TAF2: variants seen among roughly 807,000 people sequenced by gnomAD.
TAF2 encodes the protein transcription initiation factor TFIID subunit 2.
Under a neutral mutation model 138.5 loss-of-function variants are expected in TAF2, and 61 were observed. The observed-to-expected ratio is 0.44, with a 90% CI of 0.36 to 0.54. The LOEUF is 0.54. Ranked by LOEUF, TAF2 falls within the 20% of genes least tolerant of loss-of-function variation. The probability of loss-of-function intolerance (pLI) is 0.00; values close to 1 mark genes in which losing one functional copy is unlikely to be tolerated. For missense variants in TAF2, 1,090 were observed against 1,427.9 expected (o/e 0.76, Z 3.81); for synonymous variants, 475 against 469.9 (o/e 1.01, Z -0.14).
At chr8:119,818,335 C>A (rs984517306) in intron 3 of TAF2, among the ~76,000 whole-genome samples, 13 of 152,142 alleles carry the variant, frequency 8.5e-5, no homozygotes, top group African/African-American at 2.9e-4. Flanking sequence ...AGAACTGCTG[C>A]CTTAAGGCAT....
chr8:119,760,581 G>A lies in TAF2; in HGVS notation c.2698+18C>T, dbSNP rs192557230. The A allele has an allele frequency of 6.8e-5, 109 of 1,610,802 alleles. No homozygotes were observed. Among genetic ancestry groups the A allele is most frequent in the Non-Finnish European group, 8.6e-5 (101 of 1,179,610 alleles). On this transcript the variant is annotated intron_variant, in intron 20 of 25. Transcript: ENST00000378164. ...GTTCTTTCTAAAATGATATGAGCAC[G>A]TATTTCTAAAGTATTACCTTTAGTA...
In TAF2 at chr8:119,742,559, A is replaced by C; in HGVS notation, c.3312T>G (p.Ser1104Arg). ...CTGTTCCCTTCCGTGCAAGTTCCAA[A>C]CTCCACTGGGGTTTTGTGGTGGGTG... is the stretch of plus-strand genomic sequence containing the variant. ...DSTPTTKPQW[S>R]LELARKGTGK... Residue 1104 changes from serine (S) to arginine (R), a missense_variant, in exon 25 of 26, where the codon AGT (serine) becomes AGG (arginine). Physicochemically the swap from Ser to Arg is moderately radical, Grantham distance 110. This residue lies in a region of TAF2 where 580 missense variants were observed against 719.6 expected (regional missense o/e 0.81). Transcript: ENST00000378164. 6.2e-7 allele frequency: 1 copy of C among 1,613,688 alleles called. No homozygotes were observed. Among genetic ancestry groups the C allele is most frequent in the Non-Finnish European group, 8.5e-7 (1 of 1,179,926 alleles).
chr8:119,805,901 T>C (rs569978425), intron 4 of TAF2, among the ~76,000 whole-genome samples: 7 of 142,508 alleles, frequency 4.9e-5, no homozygotes, highest in Non-Finnish European at 9.0e-5. Flanking sequence ...CGTTTTGTTT[T>C]TGTTTTTCTT....
Position 119,731,467 on chromosome 8 carries a change from G to A in TAF2, c.*457C>T, listed in dbSNP as rs571097771. 1 of 173,890 alleles carries A rather than the reference G, an allele frequency of 5.8e-6. No individual in the cohort carries two copies. Among genetic ancestry groups the A allele is most frequent in the Admixed American group, 5.5e-5 (1 of 18,348 alleles). The allele number at this position is 173,890 out of a possible 1,614,324, so 10.8% of individuals were successfully genotyped here. On this transcript the variant is annotated 3_prime_UTR_variant, in exon 26 of 26. Transcript: ENST00000378164. Reference sequence around the variant, plus strand: ...CTGTAGAAAAGCCACTGTCTTTTCAGTAGTTCCAAATGGTGTTATACAATA... The same window carrying A: ...CTGTAGAAAAGCCACTGTCTTTTCAATAGTTCCAAATGGTGTTATACAATA...
chr8:119,758,857 C>A (rs746147547), intron 20 of TAF2, among the ~76,000 whole-genome samples: 17 of 152,162 alleles, frequency 1.1e-4, no homozygotes, highest in Non-Finnish European at 2.2e-4. Flanking sequence ...TAGACATGGA[C>A]AAAAGCGAAG....
At chr8:119,754,050 TA>T (rs1170183618) in intron 22 of TAF2, among the ~76,000 whole-genome samples, 1 of 152,080 alleles carries the variant, frequency 6.6e-6, no homozygotes, top group African/African-American at 2.4e-5. Flanking sequence ...AAGAAAACAT[TA>T]GAAAAAAAAT....
chr8:119,776,282 C>CAATAATT (rs1269047393), intron 18 of TAF2, among the ~76,000 whole-genome samples: 5 of 150,094 alleles, frequency 3.3e-5, no homozygotes, highest in African/African-American at 1.2e-4. Flanking sequence ...GAATGTTAAA[C>CAATAATT]TAAAGAGGCA....
At chr8:119,732,494 C>A (rs117513883) in intron 25 of TAF2, among the ~76,000 whole-genome samples, 1,822 of 152,208 alleles carry the variant, frequency 0.012, 19 homozygotes, top group Middle Eastern at 0.017. Flanking sequence ...ATATTACACA[C>A]GGTGTTATAG....
chr8:119,805,475 G>C (rs1352869883), intron 4 of TAF2, among the ~76,000 whole-genome samples: 1 of 152,136 alleles, frequency 6.6e-6, no homozygotes. Flanking sequence ...GGAGGCCAAG[G>C]AGGGTGGATC....
Position 119,797,060 on chromosome 8 carries a change from A to G in TAF2, c.1021T>C (p.Leu341=), listed in dbSNP as rs369341625. 2.9e-5 allele frequency: 46 copies of G among 1,613,290 alleles called. No homozygotes were observed. The African/African-American group carries it at 6.0e-4, about 21-fold the overall frequency. ...GATTGGGCTAAACACCTTCTAGTCA[A>G]AGGTGTCTCATCTATAATCATGGCA... ...HSAMIIDETP[L]TRRCLAQSLA... is the part of the protein sequence containing the mutation. The change falls in exon 8 of 26, where the codon TTG becomes CTG. Residue 341 remains leucine (L), a synonymous_variant. Coordinates refer to ENST00000378164, the MANE Select transcript of TAF2 (RefSeq NM_003184.4).
chr8:119,733,017 G>A (rs1367901211), intron 25 of TAF2, among the ~76,000 whole-genome samples: 1 of 151,978 alleles, frequency 6.6e-6, no homozygotes, highest in Admixed American at 6.6e-5. Flanking sequence ...TTTGAAGGAT[G>A]CAAAACCTGC....
chr8:119,817,478 C>T lies in TAF2; in HGVS notation c.299+1868G>A, dbSNP rs147168493. Among the ~76,000 whole-genome samples the T allele has an allele frequency of 1.7e-3, 252 of 152,196 alleles. 1 individual carries two copies. Among genetic ancestry groups the T allele is most frequent in the African/African-American group, 5.6e-3 (234 of 41,524 alleles). On this transcript the variant is annotated intron_variant, in intron 3 of 25. Coordinates refer to ENST00000378164, the MANE Select transcript of TAF2 (RefSeq NM_003184.4). ...CAAAACCCCCTCTGCCCCCCTGGTC[C>T]GTGGAAAAACTGTCTTCCAAGAAAC...
intron 18 of TAF2, among the ~76,000 whole-genome samples, chr8:119,776,486 T>A (rs1822251659): frequency 6.7e-6 from 1 of 150,142 alleles, no homozygotes; most frequent in African/African-American, 2.5e-5. Flanking sequence ...ATCGAAACCA[T>A]CCTGGCTACC....
intron 2 of TAF2, among the ~76,000 whole-genome samples, chr8:119,824,353 C>T (rs1173590431): frequency 6.6e-6 from 1 of 151,382 alleles, no homozygotes; most frequent in Non-Finnish European, 1.5e-5. Flanking sequence ...TGCTTGAACC[C>T]AGGAGGTGGA....
intron 25 of TAF2, among the ~76,000 whole-genome samples, chr8:119,740,902 A>G (rs1819564400): frequency 6.6e-6 from 1 of 152,178 alleles, no homozygotes; most frequent in Admixed American, 6.5e-5. Flanking sequence ...AGTCACATTA[A>G]AGAATATATT....
chr8:119,755,875 T>TA (rs1820668645), intron 22 of TAF2, 131 bp downstream of exon 22: 1 of 686,750 alleles, frequency 1.5e-6, no homozygotes, highest in African/African-American at 1.8e-5. Context: ...GAAGGTGTGA[T>TA]AGTCTACTTA....
chr8:119,733,273 T>C (rs966678641), intron 25 of TAF2, among the ~76,000 whole-genome samples: 4 of 152,140 alleles, frequency 2.6e-5, no homozygotes, highest in African/African-American at 7.2e-5. Flanking sequence ...TTTCTAGGGA[T>C]AGACAAATGA....
chr8:119,832,699 C>G lies in TAF2; in HGVS notation c.-135G>C. 1.3e-6 allele frequency: 1 copy of G among 747,764 alleles called. No individual in the cohort carries two copies. Among genetic ancestry groups the G allele is most frequent in the East Asian group, 2.8e-5 (1 of 35,482 alleles). 46.3% of individuals were successfully genotyped at this position (747,764 alleles called of 1,614,324 possible). A position where few individuals can be genotyped will look rare whatever the true frequency, so the allele number is the denominator to read the frequency against. The stretch of plus-strand genomic sequence containing the variant: ...CGCAGCTGGCCGGTGCCCAGGTGAG[C>G]GACCTGACGGGTCGCTGCCCGCCTC... On this transcript the variant is annotated 5_prime_UTR_variant, in exon 1 of 26. Coordinates refer to ENST00000378164, the MANE Select transcript of TAF2 (RefSeq NM_003184.4).
At chr8:119,769,158 T>G (rs1234756983) in intron 18 of TAF2, among the ~76,000 whole-genome samples, 1 of 152,126 alleles carries the variant, frequency 6.6e-6, no homozygotes, top group African/African-American at 2.4e-5. Flanking sequence ...CACAGCTGGC[T>G]CTTACCTGGA....
Sources: allele counts gnomAD v4.1 joint callset (sites outside exome capture counted in the v4.1 genomes callset), GRCh38; gene constraint gnomAD v4.1.1; regional missense constraint gnomAD v4.1.1; transcripts MANE v1.5; gene names NCBI Gene and HGNC (gene_info 2026-07-23, HGNC 2026-07-21).